ROBO1: variants seen among roughly 807,000 people sequenced by gnomAD.
ROBO1 encodes the protein roundabout guidance receptor 1, also known as roundabout homolog 1.
A neutral mutation model predicts 195.9 loss-of-function variants in ROBO1; 149 were observed. That is an observed-to-expected ratio of 0.76 (90% CI 0.67 to 0.87). The LOEUF is 0.87. ROBO1 is among the 40% of genes least tolerant of loss of function. The pLI is 0.00. For synonymous variants in ROBO1, 816 were observed against 733.2 expected (o/e 1.11, Z -1.82); for missense variants, 1,933 against 2,068.3 (o/e 0.93, Z 1.27).
intron 4 of ROBO1, among the ~76,000 whole-genome samples, chr3:78,833,262 A>G (rs1345286525): frequency 6.6e-6 from 1 of 152,190 alleles, no homozygotes; most frequent in African/African-American, 2.4e-5. Flanking sequence ...TTCATAAAGT[A>G]AGCCGTGTTT....
At chr3:79,442,222 T>G (rs908981845) in intron 2 of ROBO1, among the ~76,000 whole-genome samples, 5 of 152,160 alleles carry the variant, frequency 3.3e-5, no homozygotes, top group Admixed American at 3.3e-4. Flanking sequence ...ATAGATTTTT[T>G]TCCCCTGAAT....
intron 2 of ROBO1, among the ~76,000 whole-genome samples, chr3:79,199,126 T>C (rs927299762): frequency 1.3e-5 from 2 of 151,832 alleles, no homozygotes; most frequent in African/African-American, 4.8e-5. Context: ...ATACCTATCT[T>C]TTACATAGAT....
chr3:78,945,295 C>T (rs968669906), intron 3 of ROBO1, among the ~76,000 whole-genome samples: 6 of 152,144 alleles, frequency 3.9e-5, no homozygotes, highest in East Asian at 1.9e-4. Context: ...ACACCTCACA[C>T]GGCCGGGTAC....
intron 2 of ROBO1, among the ~76,000 whole-genome samples, chr3:79,431,640 A>G (rs1255016818): frequency 6.6e-6 from 1 of 152,192 alleles, no homozygotes; most frequent in African/African-American, 2.4e-5. Flanking sequence ...TATTTCACAT[A>G]TGTACTTATT....
chr3:79,238,728 C>A (rs760169971), intron 2 of ROBO1, among the ~76,000 whole-genome samples: 14 of 152,276 alleles, frequency 9.2e-5, no homozygotes, highest in Non-Finnish European at 1.9e-4. Flanking sequence ...CACTTTATTT[C>A]TTCCTGTTTT....
At chr3:79,323,202 C>T (rs1245102947) in intron 2 of ROBO1, among the ~76,000 whole-genome samples, 4 of 151,980 alleles carry the variant, frequency 2.6e-5, no homozygotes, top group Non-Finnish European at 4.4e-5. Context: ...CTGCCTTAGC[C>T]CCCCAAGTAG....
At chr3:79,243,882 G>A (rs1283741831) in intron 2 of ROBO1, among the ~76,000 whole-genome samples, 1 of 152,140 alleles carries the variant, frequency 6.6e-6, no homozygotes, top group East Asian at 1.9e-4. Flanking sequence ...TGCTTTTGGT[G>A]TTTTAGACAT....
intron 3 of ROBO1, among the ~76,000 whole-genome samples, chr3:78,950,489 C>T (rs1422894268): frequency 1.7e-5 from 2 of 118,950 alleles, no homozygotes; most frequent in Middle Eastern, 7.1e-3. Flanking sequence ...GGAAGGGGAA[C>T]ATCACACATC....
intron 4 of ROBO1, among the ~76,000 whole-genome samples, chr3:78,783,265 T>A (rs961745687): frequency 2.0e-5 from 3 of 152,146 alleles, no homozygotes; most frequent in African/African-American, 7.2e-5. Context: ...CATTTCACAC[T>A]CTATGTCCAT....
intron 3 of ROBO1, among the ~76,000 whole-genome samples, chr3:79,071,932 T>C (rs144310255): frequency 1.5e-3 from 227 of 151,964 alleles, no homozygotes; most frequent in Non-Finnish European, 2.4e-3. Flanking sequence ...CTAAAAAATG[T>C]TCTGTATTTT....
chr3:79,617,036 T>C (rs985012756), intron 1 of ROBO1, among the ~76,000 whole-genome samples: 23 of 152,246 alleles, frequency 1.5e-4, no homozygotes, highest in African/African-American at 5.3e-4. Flanking sequence ...TAAAGCACAA[T>C]GTCTTTTTGA....
intron 3 of ROBO1, among the ~76,000 whole-genome samples, chr3:79,038,219 A>G (rs2078416450): frequency 6.6e-6 from 1 of 152,192 alleles, no homozygotes; most frequent in African/African-American, 2.4e-5. Context: ...TAGAACTGAA[A>G]CAAGAACACA....
chr3:79,428,153 C>T (rs1295737317), intron 2 of ROBO1, among the ~76,000 whole-genome samples: 4 of 151,758 alleles, frequency 2.6e-5, no homozygotes, highest in African/African-American at 9.7e-5. Context: ...ATCTAAATAG[C>T]CATTTATCAA....
intron 2 of ROBO1, among the ~76,000 whole-genome samples, chr3:79,575,897 T>C (rs866476110): frequency 2.0e-5 from 3 of 151,978 alleles, no homozygotes; most frequent in Admixed American, 6.6e-5. Context: ...TGAAGCATCA[T>C]GTCACTGTTT....
At chr3:79,325,928 T>G (rs890190813) in intron 2 of ROBO1, among the ~76,000 whole-genome samples, 2 of 152,040 alleles carry the variant, frequency 1.3e-5, no homozygotes, top group Non-Finnish European at 2.9e-5. Flanking sequence ...ATCGCTGAAT[T>G]CTTTTTCTCA....
chr3:79,491,743 T>A (rs534941583), intron 2 of ROBO1, among the ~76,000 whole-genome samples: 2 of 152,128 alleles, frequency 1.3e-5, no homozygotes, highest in African/African-American at 4.8e-5. Flanking sequence ...ACGGGAAGAA[T>A]TCAATGGTTA....
Position 78,651,837 on chromosome 3 carries a change from T to C in ROBO1, c.2707A>G (p.Ile903Val). Residue 903 changes from isoleucine to valine, a missense_variant, in exon 19 of 31, where the codon ATT becomes GTT. Physicochemically the swap from Ile to Val is conservative, Grantham distance 29 (BLOSUM62 3). Coordinates refer to ENST00000464233, the MANE Select transcript of ROBO1 (RefSeq NM_002941.4). Reference sequence around the variant, plus strand: ...AGGATGATCCAACAGGCTGCTCCAATACCTGCTATGAAGGCCGGCTGCTTC... The same window carrying C: ...AGGATGATCCAACAGGCTGCTCCAACACCTGCTATGAAGGCCGGCTGCTTC... The part of the protein sequence containing the change: ...VVKQPAFIAG[I>V]GAACWIILMV... 2.5e-6 allele frequency: 4 copies of C among 1,613,826 alleles called. No individual in the cohort carries two copies. Among genetic ancestry groups the C allele is most frequent in the Non-Finnish European group, 3.4e-6 (4 of 1,179,754 alleles).
At chr3:78,757,551 G>T (rs1321596944) in intron 4 of ROBO1, among the ~76,000 whole-genome samples, 4 of 152,008 alleles carry the variant, frequency 2.6e-5, no homozygotes, top group African/African-American at 9.7e-5. Flanking sequence ...TACGGAGCAG[G>T]GGTGATAATG....
chr3:79,334,375 T>TTA (rs1559825762), intron 2 of ROBO1, among the ~76,000 whole-genome samples: 2 of 147,514 alleles, frequency 1.4e-5, no homozygotes, highest in Admixed American at 6.8e-5. Flanking sequence ...TATATATATT[T>TTA]TATATATATA....
Sources: allele counts gnomAD v4.1 joint callset (sites outside exome capture counted in the v4.1 genomes callset), GRCh38; gene constraint gnomAD v4.1.1; transcripts MANE v1.5; gene names NCBI Gene and HGNC (gene_info 2026-07-23, HGNC 2026-07-21).